Variants in NTRK3 observed in about 807,000 individuals in gnomAD.
The protein encoded by NTRK3 is neurotrophic receptor tyrosine kinase 3, also known as NT-3 growth factor receptor.
NTRK3 carries 24 observed loss-of-function variants against 91.7 expected under a neutral mutation model. The observed-to-expected ratio is 0.26, with a 90% CI of 0.19 to 0.37. The LOEUF is 0.37. NTRK3 is among the 10% of genes least tolerant of loss of function. NTRK3 has a pLI of 1.00. For synonymous variants in NTRK3, 483 were observed against 404.0 expected (o/e 1.20, Z -2.34); for missense variants, 880 against 1,068.9 (o/e 0.82, Z 2.46).
At chr15:87,882,856 G>A (rs940164170) in intron 17 of NTRK3, among the ~76,000 whole-genome samples, 2 of 151,970 alleles carry the variant, frequency 1.3e-5, no homozygotes, top group South Asian at 2.1e-4. Context: ...AGGCGGAGTA[G>A]GATAATGATG....
At chr15:88,200,902 G>C (rs1188194342) in intron 3 of NTRK3, among the ~76,000 whole-genome samples, 1 of 152,168 alleles carries the variant, frequency 6.6e-6, no homozygotes, top group Non-Finnish European at 1.5e-5. Context: ...TGGGACAAGA[G>C]CTCTGCCCAA....
intron 14 of NTRK3, among the ~76,000 whole-genome samples, chr15:88,011,951 A>G (rs2076910881): frequency 6.6e-6 from 1 of 152,190 alleles, no homozygotes; most frequent in Admixed American, 6.5e-5. Flanking sequence ...ACATTACCTC[A>G]TTTAACACAC....
In NTRK3 at chr15:87,961,614, T is replaced by G. The variant is rs537515198; in HGVS notation, c.1586-20861A>C. On this transcript the variant is annotated intron_variant, in intron 14 of 18. Transcript: ENST00000394480. ...TTAATCAGGCAGGAAGTAAGTCAGG[T>G]CTGAAGTGGGCTGCAGTGGCAAGGC... is the stretch of plus-strand genomic sequence containing the variant. Among the ~76,000 whole-genome samples the G allele has an allele frequency of 1.7e-4, 26 of 152,344 alleles. No individual in the cohort carries two copies. The East Asian group carries it at 4.8e-3, about 28-fold the overall frequency.
At chr15:88,220,318 G>A (rs2050136209) in intron 3 of NTRK3, among the ~76,000 whole-genome samples, 1 of 152,070 alleles carries the variant, frequency 6.6e-6, no homozygotes, top group South Asian at 2.1e-4. Context: ...TGGCCCACAG[G>A]AAAATCCTAG....
At chr15:88,178,777 G>C (rs904075878) in intron 5 of NTRK3, among the ~76,000 whole-genome samples, 3 of 152,194 alleles carry the variant, frequency 2.0e-5, no homozygotes, top group Admixed American at 2.0e-4. Context: ...TATAGGATTT[G>C]ACCTGAATAG....
At chr15:88,109,077 C>T (rs1381281701) in intron 13 of NTRK3, among the ~76,000 whole-genome samples, 5 of 152,218 alleles carry the variant, frequency 3.3e-5, no homozygotes, top group East Asian at 3.9e-4. Flanking sequence ...TTCTAGTCAG[C>T]GGATGCTTCT....
chr15:88,072,098 C>T (rs369577616), intron 13 of NTRK3, among the ~76,000 whole-genome samples: 32 of 149,258 alleles, frequency 2.1e-4, no homozygotes, highest in African/African-American at 7.2e-4. Flanking sequence ...CTCCGCCTCC[C>T]GGGTTCAAGG....
At chr15:88,128,645 G>T in intron 11 of NTRK3, 66 bp downstream of exon 11, 2 of 1,530,072 alleles carry the variant, frequency 1.3e-6, no homozygotes, top group South Asian at 2.2e-5. Flanking sequence ...AGGGCTATTT[G>T]AATTCAATAG....
chr15:88,143,330 G>C (rs1488638952), intron 6 of NTRK3, among the ~76,000 whole-genome samples: 2 of 152,244 alleles, frequency 1.3e-5, no homozygotes, highest in Non-Finnish European at 2.9e-5. Flanking sequence ...GCTGCCACAA[G>C]CCAAGAAACA....
At chr15:88,247,070 G>A (rs2052906237) in intron 3 of NTRK3, among the ~76,000 whole-genome samples, 1 of 152,194 alleles carries the variant, frequency 6.6e-6, no homozygotes. Flanking sequence ...CCTCAGACAC[G>A]ATGTGCACAG....
chr15:88,247,927 T>C (rs778955403), intron 3 of NTRK3, among the ~76,000 whole-genome samples: 70 of 152,140 alleles, frequency 4.6e-4, no homozygotes, highest in Admixed American at 1.2e-3. Context: ...GCTCTAAACA[T>C]CAGCTTCCAG....
intron 14 of NTRK3, among the ~76,000 whole-genome samples, chr15:87,979,887 T>C (rs1414472099): frequency 6.6e-6 from 1 of 152,150 alleles, no homozygotes; most frequent in African/African-American, 2.4e-5. Context: ...AAGGCTATGC[T>C]TTCCCAGAAC....
At chr15:87,898,823 T>TAAAAAA (rs34425235) in intron 17 of NTRK3, among the ~76,000 whole-genome samples, 2 of 103,956 alleles carry the variant, frequency 1.9e-5, no homozygotes, top group African/African-American at 7.8e-5. Context: ...CTGTCTCTAC[T>TAAAAAA]AAAAAAAAAA....
At chr15:88,153,844 T>G (rs1483877991) in intron 5 of NTRK3, among the ~76,000 whole-genome samples, 1 of 151,924 alleles carries the variant, frequency 6.6e-6, no homozygotes, top group African/African-American at 2.4e-5. Flanking sequence ...CCCCATGATC[T>G]AATCACCTCC....
chr15:88,022,298 A>C (rs1351858439), intron 14 of NTRK3, among the ~76,000 whole-genome samples: 1 of 152,172 alleles, frequency 6.6e-6, no homozygotes, highest in East Asian at 1.9e-4. Context: ...AGTTCAAGAC[A>C]GGAGAAGCAC....
In NTRK3 at chr15:87,938,392, T is replaced by C. The variant is rs75730696; in HGVS notation, c.1716+2231A>G. Among the ~76,000 whole-genome samples, 132 of 152,050 alleles carry C rather than the reference T, an allele frequency of 8.7e-4. 2 individuals carry two copies. The East Asian group carries it at 0.023, about 26-fold the overall frequency. The stretch of plus-strand genomic sequence containing the variant: ...AAAGGAAGGGTCTTGCAAAAAGAAG[T>C]GGAATCTAAGGAGGGGAGGAAGCAG... On this transcript the variant is annotated intron_variant, in intron 15 of 18. Transcript: ENST00000394480.
rs34425235 is a variant in NTRK3 at position 87,898,823 on chromosome 15, T to TAAA, written c.2134-18398_2134-18396dup. ...CAACACAGTGAAACTCTGTCTCTAC[T>TAAA]AAAAAAAAAAAAAAAAAAAAAATAC... On this transcript the variant is annotated intron_variant, in intron 17 of 18. Coordinates refer to ENST00000394480, the Ensembl canonical transcript of NTRK3. 3.6e-3 allele frequency among the ~76,000 whole-genome samples: 373 copies of TAAA among 103,910 alleles called. 4 individuals are homozygous for TAAA. The highest frequency in any genetic ancestry group is 0.012 in the African/African-American group (314 of 25,726). 68.2% of individuals were successfully genotyped at this position (103,910 alleles called of 152,430 possible). A position where few individuals can be genotyped will look rare whatever the true frequency, so the allele number is the denominator to read the frequency against.
chr15:88,043,891 T>C (rs2079889231), intron 13 of NTRK3, among the ~76,000 whole-genome samples: 1 of 152,180 alleles, frequency 6.6e-6, no homozygotes, highest in African/African-American at 2.4e-5. Flanking sequence ...CACAGTTGTA[T>C]GGGTCTCATA....
intron 13 of NTRK3, among the ~76,000 whole-genome samples, chr15:88,087,175 G>A (rs1467003054): frequency 6.6e-6 from 1 of 152,198 alleles, no homozygotes; most frequent in Non-Finnish European, 1.5e-5. Context: ...AGCAAAGTGG[G>A]TACCCCAGGG....
Sources: gnomAD v4.1 joint callset for allele counts (sites outside exome capture counted in the v4.1 genomes callset) on GRCh38, gnomAD v4.1.1 for gene constraint, MANE v1.5 for transcripts, NCBI Gene and HGNC (gene_info 2026-07-23, HGNC 2026-07-21) for gene names.